Variants in QRICH2 observed in about 807,000 individuals in gnomAD.
QRICH2 encodes the protein glutamine-rich protein 2.
Under a neutral mutation model 168.3 loss-of-function variants are expected in QRICH2, and 119 were observed. That is an observed-to-expected ratio of 0.71 (90% CI 0.61 to 0.82). The LOEUF (loss-of-function observed/expected upper bound fraction) is 0.82. QRICH2 is among the 40% of genes least tolerant of loss of function. The pLI, the probability that QRICH2 is intolerant of heterozygous loss-of-function variation, is 0.00. For synonymous variants in QRICH2, 894 were observed against 951.2 expected (o/e 0.94, Z 1.11); for missense variants, 2,241 against 2,491.6 (o/e 0.90, Z 2.14).
intron 3 of QRICH2, among the ~76,000 whole-genome samples, chr17:76,301,260 C>T (rs11867260): frequency 0.016 from 2,376 of 151,040 alleles, 71 homozygotes; most frequent in African/African-American, 0.055. Flanking sequence ...AACAAATGAG[C>T]CAAAATCTTG....
upstream of QRICH2, chr17:76,308,333 C>G (rs538230636): frequency 1.0e-6 from 1 of 985,424 alleles, no homozygotes; most frequent in Non-Finnish European, 1.2e-6. Context: ...CGCCTCCCTG[C>G]GAGCCACGGG....
Position 76,292,725 on chromosome 17 carries a change from G to C in QRICH2, c.2002C>G (p.Pro668Ala). Residue 668 changes from proline (P) to alanine (A), a missense_variant, in exon 4 of 19, where the codon CCT becomes GCT. Pro to Ala is a conservative substitution (Grantham distance 27). Transcript: ENST00000680821. ...GVLVQPGVDQ[P>A]GMVQPGRFQR... ...AATCTGCCAGGTTGGACCATGCCAG[G>C]CTGATCTACACCAGGCTGTACCAAG... The C allele has an allele frequency of 1.2e-6, 2 of 1,608,236 alleles. No homozygotes were observed. The highest frequency in any genetic ancestry group is 8.5e-7 in the Non-Finnish European group (1 of 1,177,836).
Position 76,293,980 on chromosome 17 carries a change from G to C in QRICH2, c.747C>G (p.Phe249Leu). ...TLMGFSKHGGFTSLTSPEGTL... is the reference protein window; with the variant it reads ...TLMGFSKHGGLTSLTSPEGTL... The stretch of plus-strand genomic sequence containing the variant: ...TCCCTTCAGGTGATGTTAAGGAAGT[G>C]AACCCTCCGTGCTTAGAAAATCCCA... Residue 249 changes from phenylalanine to leucine, a missense_variant, in exon 4 of 19, where the codon TTC becomes TTG. Physicochemically the swap from Phe to Leu is conservative, Grantham distance 22 (BLOSUM62 0). Transcript: ENST00000680821. 6.2e-7 allele frequency: 1 copy of C among 1,613,186 alleles called. No homozygotes were observed. The highest frequency in any genetic ancestry group is 8.5e-7 in the Non-Finnish European group (1 of 1,179,338).
chr17:76,306,977 A>AC (rs2143416095), intron 1 of QRICH2, among the ~76,000 whole-genome samples: 1 of 150,860 alleles, frequency 6.6e-6, no homozygotes, highest in Admixed American at 6.6e-5. Flanking sequence ...CTCCATCCTG[A>AC]CTCCCCTTCT....
rs200678960 is a variant in QRICH2, at chr17:76,280,856, T to C, written c.4361A>G (p.His1454Arg). 6.0e-5 allele frequency: 97 copies of C among 1,613,780 alleles called. No individual in the cohort carries two copies. Among genetic ancestry groups the C allele is most frequent in the Non-Finnish European group, 7.6e-5 (90 of 1,180,026 alleles). Residue 1454 changes from histidine (H) to arginine (R), a missense_variant, in exon 9 of 19, where the codon CAT (histidine) becomes CGT (arginine). Physicochemically the swap from His to Arg is conservative, Grantham distance 29. Transcript: ENST00000680821. This position sits in a 1 kb window ranked among gnomAD's most constrained non-coding sequence, Gnocchi z 7.4. ...AGCAATGTCCTTCTGTTTCTGCCGA[T>C]GGTCCTCGATGAGGTTGCTGGTGGT... is the stretch of plus-strand genomic sequence containing the variant. ...NITTSNLIEDHRQKQKDIAML... is the reference protein window; with the variant it reads ...NITTSNLIEDRRQKQKDIAML...
rs757765749 is a variant in QRICH2 at position 76,292,516 on chromosome 17, C to T, written c.2211G>A (p.Gln737=). Residue 737 remains glutamine, a synonymous_variant, in exon 4 of 19, where the codon CAG becomes CAA. Transcript: ENST00000680821. The part of the protein sequence containing the change: ...QHGLVQPGVD[Q]RGLAQPRADH... ...CTGCACGAGGTTGTGCCAAACCACG[C>T]TGATCTACTCCAGGTTGGACCAAAC... The T allele has an allele frequency of 3.2e-6, 5 of 1,569,898 alleles. No individual in the cohort carries two copies. The East Asian group carries it at 1.2e-4, about 38-fold the overall frequency.
Position 76,290,047 on chromosome 17 carries a change from T to C in QRICH2, c.3743A>G (p.Glu1248Gly). 6.2e-7 allele frequency: 1 copy of C among 1,612,410 alleles called. No homozygotes were observed. Among genetic ancestry groups the C allele is most frequent in the Non-Finnish European group, 8.5e-7 (1 of 1,179,004 alleles). ...VKRTIPPELQ[E>G]QLKTVKTLAK... ...TAGCGTCTTTACGGTCTTCAGCTGC[T>C]CCTGCAGTTCAGGAGGTATGGTCCT... Residue 1248 changes from glutamate (E) to glycine (G), a missense_variant, in exon 5 of 19, where the codon GAG (glutamate) becomes GGG (glycine). Coordinates refer to ENST00000680821, the MANE Select transcript of QRICH2 (RefSeq NM_001388453.1).
intron 18 of QRICH2, among the ~76,000 whole-genome samples, chr17:76,275,451 G>T (rs1003559171): frequency 6.6e-6 from 1 of 152,206 alleles, no homozygotes; most frequent in Non-Finnish European, 1.5e-5. Context: ...TGACAGGGTC[G>T]TGGCCTCTTG....
Position 76,291,415 on chromosome 17 carries a change from G to C in QRICH2, c.3312C>G (p.Asp1104Glu). ...AACCAGGATACATTGAATCATGACT[G>C]TCAAAGAGAGAGAAAGCATGGCCAT... ...AQHGHAFSLF[D>E]SHDSMYPGYR... Residue 1104 changes from aspartate to glutamate, a missense_variant, in exon 4 of 19, where the codon GAC becomes GAG. By Grantham distance (45) the Asp-to-Glu change is conservative. Coordinates refer to ENST00000680821, the MANE Select transcript of QRICH2 (RefSeq NM_001388453.1). 3 of 1,613,998 alleles carry C rather than the reference G, an allele frequency of 1.9e-6. No homozygotes were observed. Among genetic ancestry groups the C allele is most frequent in the Non-Finnish European group, 8.5e-7 (1 of 1,179,982 alleles).
Position 76,307,806 on chromosome 17 carries a change from G to T in QRICH2, c.193C>A (p.Arg65=), listed in dbSNP as rs1434366455. The T allele has an allele frequency of 6.0e-6, 8 of 1,333,434 alleles. 1 individual carries two copies. In the African/African-American group the frequency reaches 7.6e-5, roughly 13 times the overall value. The allele number at this position is 1,333,434 out of a possible 1,614,324, so 82.6% of individuals were successfully genotyped here. The change falls in exon 1 of 19, where the codon CGG becomes AGG. Residue 65 remains arginine, a synonymous_variant. Coordinates refer to ENST00000680821, the MANE Select transcript of QRICH2 (RefSeq NM_001388453.1). This position sits in a 1 kb window ranked among gnomAD's most constrained non-coding sequence, Gnocchi z 5.3. ...PEPSRSLQSV[R]SSFSIPHLPA... ...AGGTGCGGGATGCTGAACGAGCTCC[G>T]GACGGACTGCAGCGAGCGGCTGGGC...
rs150219231 is a variant in QRICH2 at position 76,280,370 on chromosome 17, G to A, written c.4543C>T (p.Gln1515Ter). ...CCGCTCATCTTGGCCACCAGCTCCT[G>A]CATCATGTGGTTCAGCTGCTCCGTG... ...ATTEQLNHMM[Q>*]ELVAKMSGQE... is the part of the protein sequence containing the mutation. The change falls in exon 11 of 19, where the codon CAG (glutamine) becomes TAG (stop). Residue 1515 changes from glutamine to a stop codon, truncating the protein, a stop_gained. Coordinates refer to ENST00000680821, the MANE Select transcript of QRICH2 (RefSeq NM_001388453.1). LOFTEE classifies it high-confidence loss of function. The surrounding 1 kb of genome is among the most constrained non-coding windows in gnomAD (Gnocchi z 7.4). The A allele has an allele frequency of 1.2e-6, 2 of 1,614,090 alleles. No homozygotes were observed. Among genetic ancestry groups the A allele is most frequent in the Non-Finnish European group, 1.7e-6 (2 of 1,180,042 alleles).
intron 7 of QRICH2, among the ~76,000 whole-genome samples, chr17:76,283,874 C>CAAA (rs34741886): frequency 1.6e-5 from 2 of 125,176 alleles, no homozygotes; most frequent in African/African-American, 8.3e-5. Context: ...AACTCTGTCT[C>CAAA]AAAAAAAAAA....
Position 76,277,236 on chromosome 17 carries a change from G to C in QRICH2, c.5192C>G (p.Pro1731Arg). 1 of 1,603,532 alleles carries C rather than the reference G, an allele frequency of 6.2e-7. No homozygotes were observed. Among genetic ancestry groups the C allele is most frequent in the South Asian group, 1.1e-5 (1 of 89,870 alleles). ...RCGGSHTLTY[P>R]YHRSRPQHLP... ...GTGCTGCGGGCGGCTGCGGTGGTAG[G>C]GGTAGGTGAGGGTGTGGCTGCCCCC... is the stretch of plus-strand genomic sequence containing the variant. The change falls in exon 16 of 19, where the codon CCC becomes CGC. Residue 1731 changes from proline (P) to arginine (R), a missense_variant. Pro to Arg is a moderately radical substitution (Grantham distance 103). Transcript: ENST00000680821.
chr17:76,289,079 T>C (rs996744164), intron 5 of QRICH2, among the ~76,000 whole-genome samples: 2 of 143,570 alleles, frequency 1.4e-5, no homozygotes, highest in East Asian at 2.0e-4. Context: ...ACTCCAGCCT[T>C]GGCGACAGAG....
At chr17:76,279,736 A>T (rs1170593233) in intron 12 of QRICH2, among the ~76,000 whole-genome samples, 1 of 152,166 alleles carries the variant, frequency 6.6e-6, no homozygotes, top group Non-Finnish European at 1.5e-5. Context: ...CCAGGCCCCC[A>T]GGAGCTGTCT....
rs1001477998 is a variant in QRICH2, at chr17:76,307,867, T to G, written c.132A>C (p.Gln44His). 7.8e-7 allele frequency: 1 copy of G among 1,274,972 alleles called. No homozygotes were observed. The highest frequency in any genetic ancestry group is 9.9e-7 in the Non-Finnish European group (1 of 1,012,944). The allele number at this position is 1,274,972 out of a possible 1,614,324, so 79.0% of individuals were successfully genotyped here. The change falls in exon 1 of 19, where the codon CAA becomes CAC. Residue 44 changes from glutamine to histidine, a missense_variant. Gln to His is a conservative substitution (Grantham distance 24, BLOSUM62 0). Transcript: ENST00000680821. This position sits in a 1 kb window ranked among gnomAD's most constrained non-coding sequence, Gnocchi z 5.3. The part of the protein sequence containing the change: ...IVAMLKNLDL[Q>H]NTRIDFQPSS... ...AGGGCTGGAAGTCGATCCGGGTATT[T>G]TGGAGGTCGAGGTTCTTGAGCATGG...
chr17:76,304,551 C>A (rs1232056382), intron 2 of QRICH2, 26 bp from the exon 3 acceptor site: 20 of 1,498,384 alleles, frequency 1.3e-5, no homozygotes, highest in Non-Finnish European at 1.9e-5. Context: ...AAGACACACA[C>A]ATACACCCCT....
chr17:76,294,039 A>C lies in QRICH2; in HGVS notation c.706-18T>G. The C allele has an allele frequency of 6.4e-7, 1 of 1,574,494 alleles. No homozygotes were observed. The highest frequency in any genetic ancestry group is 1.8e-5 in the Admixed American group (1 of 54,150). On this transcript the variant is annotated intron_variant, in intron 3 of 18. Coordinates refer to ENST00000680821, the MANE Select transcript of QRICH2 (RefSeq NM_001388453.1). ...TCTGAGCCCTGGTTGGAGAGGAAGA[A>C]GGAAATCAATAACAGTCAAAATATT...
rs780618698 is a variant in QRICH2, at chr17:76,291,713, C to T, written c.3014G>A (p.Arg1005His). ...QADSTGFISV[R>H]PYQHGMVPPG... ...AGGTACCATACCATGTTGATATGGA[C>T]GTACTGATATAAAACCTGTAGAATC... Residue 1005 changes from arginine to histidine, a missense_variant, in exon 4 of 19, where the codon CGT becomes CAT. Coordinates refer to ENST00000680821, the MANE Select transcript of QRICH2 (RefSeq NM_001388453.1). 33 of 1,614,022 alleles carry T rather than the reference C, an allele frequency of 2.0e-5. No individual in the cohort carries two copies. Among genetic ancestry groups the T allele is most frequent in the African/African-American group, 6.7e-5 (5 of 74,916 alleles).
Sources: allele counts gnomAD v4.1 joint callset (sites outside exome capture counted in the v4.1 genomes callset), GRCh38; gene constraint gnomAD v4.1.1; non-coding constraint Gnocchi (gnomAD v3.1); transcripts MANE v1.5; gene names NCBI Gene and HGNC (gene_info 2026-07-23, HGNC 2026-07-21).